The following DLGAP1 variants were observed in gnomAD, a reference collection of about 807,000 sequenced individuals.
DLGAP1 encodes DLG associated protein 1.
DLGAP1 carries 11 observed loss-of-function variants against 90.8 expected under a neutral mutation model. The observed-to-expected ratio is 0.12, with a 90% CI of 0.08 to 0.20. DLGAP1 has a LOEUF of 0.20. Among genes scored for constraint, DLGAP1 ranks in the 10% least tolerant of loss-of-function variants. The probability of loss-of-function intolerance (pLI) is 1.00; values close to 1 mark genes in which losing one functional copy is unlikely to be tolerated. For synonymous variants in DLGAP1, 558 were observed against 540.7 expected (o/e 1.03, Z -0.44); for missense variants, 1,050 against 1,333.8 (o/e 0.79, Z 3.31).
chr18:3,595,164 G>A (rs1179246301), intron 7 of DLGAP1, among the ~76,000 whole-genome samples: 2 of 152,248 alleles, frequency 1.3e-5, no homozygotes, highest in Non-Finnish European at 2.9e-5. Context: ...CGCAGGAGGA[G>A]AGGGCACCCA....
intron 9 of DLGAP1, among the ~76,000 whole-genome samples, chr18:3,539,056 T>C (rs1044452961): frequency 6.6e-6 from 1 of 152,244 alleles, no homozygotes; most frequent in African/African-American, 2.4e-5. Flanking sequence ...CTGTCCAACC[T>C]GCTAGTTTCT....
At chr18:4,051,985 G>T (rs1009182758) in intron 2 of DLGAP1, among the ~76,000 whole-genome samples, 5 of 152,206 alleles carry the variant, frequency 3.3e-5, no homozygotes, top group African/African-American at 1.2e-4. Context: ...TCACATCCAG[G>T]TCACGGTGAT....
At chr18:4,242,962 G>C (rs1266631911) in intron 1 of DLGAP1, among the ~76,000 whole-genome samples, 1 of 152,160 alleles carries the variant, frequency 6.6e-6, no homozygotes, top group African/African-American at 2.4e-5. Flanking sequence ...GAGATGCACT[G>C]ACACAAAGTG....
At chr18:3,696,154 T>G (rs995512721) in intron 7 of DLGAP1, among the ~76,000 whole-genome samples, 31 of 152,340 alleles carry the variant, frequency 2.0e-4, no homozygotes, top group African/African-American at 7.5e-4. Context: ...AGAGACAATT[T>G]GACTTCCCCT....
chr18:4,031,196 A>G (rs892368230), intron 2 of DLGAP1, among the ~76,000 whole-genome samples: 2 of 152,124 alleles, frequency 1.3e-5, no homozygotes, highest in East Asian at 1.9e-4. Flanking sequence ...GAGATGTATA[A>G]GTTATTTTTT....
chr18:3,932,490 G>A (rs1043008456), intron 3 of DLGAP1, among the ~76,000 whole-genome samples: 1 of 151,994 alleles, frequency 6.6e-6, no homozygotes, highest in Admixed American at 6.6e-5. Flanking sequence ...AAATACCCTT[G>A]CGGGGGAGCC....
chr18:3,875,271 A>G (rs991661590), intron 4 of DLGAP1, among the ~76,000 whole-genome samples: 4 of 152,234 alleles, frequency 2.6e-5, no homozygotes, highest in African/African-American at 7.2e-5. Flanking sequence ...TTACTGAAGC[A>G]TATTACGGAG....
intron 4 of DLGAP1, among the ~76,000 whole-genome samples, chr18:3,859,107 G>C (rs190010544): frequency 1.2e-3 from 186 of 152,300 alleles, no homozygotes; most frequent in African/African-American, 4.4e-3. Flanking sequence ...ATGTAAGTAA[G>C]TACACCATCT....
intron 1 of DLGAP1, among the ~76,000 whole-genome samples, chr18:4,397,460 TG>T (rs1406455218): frequency 1.3e-5 from 2 of 152,214 alleles, no homozygotes; most frequent in African/African-American, 4.8e-5. Flanking sequence ...AAGCACTTCT[TG>T]GATCCTATGT....
intron 1 of DLGAP1, among the ~76,000 whole-genome samples, chr18:4,186,365 GA>G (rs2077295642): frequency 6.6e-6 from 1 of 152,058 alleles, no homozygotes; most frequent in Non-Finnish European, 1.5e-5. Context: ...CCTATATCCA[GA>G]ATGGTATTGC....
intron 1 of DLGAP1, among the ~76,000 whole-genome samples, chr18:4,305,633 C>G (rs1453300033): frequency 1.3e-5 from 2 of 151,870 alleles, no homozygotes; most frequent in Non-Finnish European, 2.9e-5. Context: ...GATGATCCTT[C>G]CAACAATTTT....
At chr18:4,434,425 T>C (rs2083356077) in intron 1 of DLGAP1, among the ~76,000 whole-genome samples, 1 of 152,150 alleles carries the variant, frequency 6.6e-6, no homozygotes. Context: ...TGAACTTTTT[T>C]CCCTAAACCC....
At chr18:4,229,626 A>G (rs1838296986) in intron 1 of DLGAP1, among the ~76,000 whole-genome samples, 1 of 152,108 alleles carries the variant, frequency 6.6e-6, no homozygotes, top group Admixed American at 6.6e-5. Flanking sequence ...ATCCATATGA[A>G]GGAGAATGAG....
intron 1 of DLGAP1, among the ~76,000 whole-genome samples, chr18:4,448,603 G>A (rs1341175621): frequency 6.6e-6 from 1 of 152,112 alleles, no homozygotes; most frequent in African/African-American, 2.4e-5. Flanking sequence ...CAGGCCATTC[G>A]AAGCTGAATG....
intron 1 of DLGAP1, among the ~76,000 whole-genome samples, chr18:4,432,875 A>G (rs1293878367): frequency 6.6e-6 from 1 of 152,170 alleles, no homozygotes; most frequent in Non-Finnish European, 1.5e-5. Flanking sequence ...CAGTTCTCCC[A>G]AACAGGCCCT....
chr18:4,220,454 AGGTGG>A (rs1283148536), intron 1 of DLGAP1, among the ~76,000 whole-genome samples: 1 of 152,172 alleles, frequency 6.6e-6, no homozygotes, highest in Non-Finnish European at 1.5e-5. Context: ...GTGCAAGCAC[AGGTGG>A]GGAAATCAGA....
chr18:3,508,829 G>T (rs1023500240), intron 10 of DLGAP1, among the ~76,000 whole-genome samples, 168 bp from the exon 11 acceptor site: 1 of 152,056 alleles, frequency 6.6e-6, no homozygotes, highest in Non-Finnish European at 1.5e-5. Context: ...TCACCCTGTT[G>T]GTCTGTGTCA....
At chr18:3,829,087 G>A (rs1377625553) in intron 4 of DLGAP1, among the ~76,000 whole-genome samples, 1 of 152,164 alleles carries the variant, frequency 6.6e-6, no homozygotes, top group Non-Finnish European at 1.5e-5. Flanking sequence ...TAAGGAAGGA[G>A]GATGGTGCAA....
Position 3,517,280 on chromosome 18 carries a change from G to C in DLGAP1, c.2480-8619C>G, listed in dbSNP as rs572154469. Reference sequence around the variant, plus strand: ...TTTGAAGCTATGAAAGACCTACATGGCATCTCCTGCCAATAGAAGGCTGTT... The same window carrying C: ...TTTGAAGCTATGAAAGACCTACATGCCATCTCCTGCCAATAGAAGGCTGTT... On this transcript the variant is annotated intron_variant, in intron 10 of 12. Transcript: ENST00000315677. This position sits in a 1 kb window ranked among gnomAD's most constrained non-coding sequence, Gnocchi z 4.1. 2.0e-5 allele frequency among the ~76,000 whole-genome samples: 3 copies of C among 152,246 alleles called. No homozygotes were observed. In the East Asian group the frequency reaches 5.8e-4, roughly 29 times the overall value.
Sources: allele counts gnomAD v4.1 joint callset (sites outside exome capture counted in the v4.1 genomes callset), GRCh38; gene constraint gnomAD v4.1.1; non-coding constraint Gnocchi (gnomAD v3.1); transcripts MANE v1.5; gene names NCBI Gene and HGNC (gene_info 2026-07-23, HGNC 2026-07-21).